Variants in CRTAM observed in about 807,000 individuals in gnomAD.
The protein encoded by CRTAM is cytotoxic and regulatory T cell molecule, also known as cytotoxic and regulatory T-cell molecule.
In CRTAM, 44 loss-of-function variants were observed where a neutral mutation model predicts 50.0. The observed-to-expected ratio is 0.88, with a 90% CI of 0.69 to 1.13. CRTAM has a LOEUF of 1.13. Among genes scored for constraint, CRTAM ranks in the 50% most tolerant of loss-of-function variants. The pLI is 0.00. For synonymous variants in CRTAM, 159 were observed against 169.3 expected, an observed-to-expected ratio of 0.94 and a Z score of 0.47; for missense variants, 448 against 457.5, an observed-to-expected ratio of 0.98 and a Z score of 0.19.
Position 122,868,186 on chromosome 11 carries a change from ATATGTGTGTG to A in CRTAM, c.1051+89_1051+98del, listed in dbSNP as rs1565294553. On this transcript the variant is annotated intron_variant, in intron 9 of 9. Transcript: ENST00000227348. ...TCTCCAGAGAGACAGAGACAACAGA[ATATGTGTGTG>A]TGTGTGTGTGTGTGTGTGTGTGTGT... 2.4e-5 allele frequency: 15 copies of A among 630,996 alleles called. 1 individual carries two copies. Among genetic ancestry groups the A allele is most frequent in the South Asian group, 1.2e-4 (7 of 59,476 alleles). The allele number at this position is 630,996 out of a possible 1,614,324, so 39.1% of individuals were successfully genotyped here.
At chr11:122,838,727 G>T in intron 1 of CRTAM, 135 bp downstream of exon 1, 1 of 728,286 alleles carries the variant, frequency 1.4e-6, no homozygotes, top group African/African-American at 1.7e-5. Context: ...TACTTTCCAA[G>T]CCATGCTCAA....
intron 9 of CRTAM, among the ~76,000 whole-genome samples, chr11:122,868,744 C>A (rs1306772573): frequency 6.6e-6 from 1 of 152,216 alleles, no homozygotes; most frequent in African/African-American, 2.4e-5. Flanking sequence ...TACGGTGGCT[C>A]ACGCCTGTAA....
At chr11:122,852,981 A>G (rs1055061829) in intron 3 of CRTAM, among the ~76,000 whole-genome samples, 1 of 152,186 alleles carries the variant, frequency 6.6e-6, no homozygotes, top group Non-Finnish European at 1.5e-5. Context: ...AGAATGGGAA[A>G]CAGGAAGAAG....
rs553358820 is a variant in CRTAM, at chr11:122,851,034, G to A, written c.194-659G>A. ...CCCAGCACTTTGGGAGACTGAGGCT[G>A]GCCGATCATTTTGAAGTCAGGAGTT... On this transcript the variant is annotated intron_variant, in intron 2 of 9. Transcript: ENST00000227348. Among the ~76,000 whole-genome samples, 6 of 152,106 alleles carry A rather than the reference G, an allele frequency of 3.9e-5. No individual in the cohort carries two copies. In the South Asian group the frequency reaches 8.3e-4, roughly 21 times the overall value.
intron 1 of CRTAM, among the ~76,000 whole-genome samples, chr11:122,841,404 A>ATT (rs35383058): frequency 0.24 from 34,020 of 143,270 alleles, 4,565 homozygotes; most frequent in Non-Finnish European, 0.3. Context: ...CTTTTACTCT[A>ATT]TTTTTTTTTT....
At position 122,853,070 on chromosome 11, in the gene CRTAM, C is replaced by CTTTT. The variant is rs34068369; in HGVS notation, c.347-863_347-860dup. On this transcript the variant is annotated intron_variant, in intron 3 of 9. Coordinates refer to ENST00000227348, the MANE Select transcript of CRTAM (RefSeq NM_019604.4). The stretch of plus-strand genomic sequence containing the variant: ...CATGCCCTTTATAAGATAAATGCAC[C>CTTTT]TTTTTTTTTTTTTGATGGGGTCTTG... 1.0e-4 allele frequency among the ~76,000 whole-genome samples: 15 copies of CTTTT among 144,262 alleles called. 1 individual carries two copies. The highest frequency in any genetic ancestry group is 3.3e-4 in the African/African-American group (13 of 39,316). 94.6% of individuals were successfully genotyped at this position (144,262 alleles called of 152,430 possible). A position where few individuals can be genotyped will look rare whatever the true frequency, so the allele number is the denominator to read the frequency against.
chr11:122,840,421 G>A (rs986646717), intron 1 of CRTAM, among the ~76,000 whole-genome samples: 3 of 135,300 alleles, frequency 2.2e-5, no homozygotes, highest in East Asian at 2.0e-4. Context: ...TCTAATTAAC[G>A]TGTGTGTGTG....
chr11:122,855,554 G>A lies in CRTAM; in HGVS notation c.491-141G>A, dbSNP rs180937401. 1.0e-3 allele frequency: 668 copies of A among 643,870 alleles called. 5 individuals carry two copies. The African/African-American group carries it at 0.011, about 11-fold the overall frequency. 39.9% of individuals were successfully genotyped at this position (643,870 alleles called of 1,614,324 possible). A position where few individuals can be genotyped will look rare whatever the true frequency, so the allele number is the denominator to read the frequency against. On this transcript the variant is annotated intron_variant, in intron 4 of 9. Transcript: ENST00000227348. Reference sequence around the variant, plus strand: ...TGTTTGCCTTTGTGACCAGAACCAAGCCTATACAAGGGAACTGGCTGAGGT... The same window carrying A: ...TGTTTGCCTTTGTGACCAGAACCAAACCTATACAAGGGAACTGGCTGAGGT...
intron 1 of CRTAM, among the ~76,000 whole-genome samples, chr11:122,845,408 G>A (rs1861851018): frequency 6.6e-6 from 1 of 152,080 alleles, no homozygotes; most frequent in Admixed American, 6.6e-5. Flanking sequence ...AGAAAAATGT[G>A]TCAGTGAAAG....
intron 7 of CRTAM, among the ~76,000 whole-genome samples, chr11:122,865,410 CT>C (rs375100814): frequency 3.4e-4 from 21 of 61,294 alleles, no homozygotes; most frequent in South Asian, 6.5e-4. Context: ...AGATTTCTCT[CT>C]TTTTTTTTTC....
At chr11:122,839,429 A>C (rs921026775) in intron 1 of CRTAM, among the ~76,000 whole-genome samples, 10 of 152,248 alleles carry the variant, frequency 6.6e-5, no homozygotes, top group African/African-American at 1.9e-4. Flanking sequence ...ACACTTATTT[A>C]GCTCAGAGGT....
chr11:122,867,676 GTC>G (rs1198600851), intron 8 of CRTAM, 121 bp downstream of exon 8: 20 of 989,052 alleles, frequency 2.0e-5, no homozygotes, highest in Non-Finnish European at 2.8e-5. Flanking sequence ...GATAAGTGCT[GTC>G]TCAGATAAGC....
intron 3 of CRTAM, among the ~76,000 whole-genome samples, chr11:122,853,487 G>A (rs1264382526): frequency 6.6e-6 from 1 of 152,082 alleles, no homozygotes; most frequent in Non-Finnish European, 1.5e-5. Flanking sequence ...GCAAGCACAT[G>A]AAAGCCCTTT....
rs193236077 is a variant in CRTAM, at chr11:122,858,361, G to C, written c.652+2505G>C. 3.3e-3 allele frequency among the ~76,000 whole-genome samples: 495 copies of C among 152,146 alleles called. 3 individuals carry two copies. The highest frequency in any genetic ancestry group is 0.011 in the African/African-American group (463 of 41,498). ...CTGCCTCAGCCTCCGGGGTGGCTGG[G>C]AGCACAGGCATGAGCCACCACGCCC... On this transcript the variant is annotated intron_variant, in intron 5 of 9. Transcript: ENST00000227348.
At chr11:122,857,601 G>T (rs1862023436) in intron 5 of CRTAM, among the ~76,000 whole-genome samples, 2 of 152,306 alleles carry the variant, frequency 1.3e-5, no homozygotes, top group East Asian at 1.9e-4. Context: ...TTAGTTCATT[G>T]TTTCTTCCAT....
intron 1 of CRTAM, 54 bp from the exon 2 acceptor site, chr11:122,850,014 C>A: frequency 1.4e-6 from 2 of 1,465,076 alleles, no homozygotes; most frequent in Non-Finnish European, 9.1e-7. Flanking sequence ...AGACAAAATC[C>A]CTGAGACACT....
rs187640433 is a variant in CRTAM at position 122,842,035 on chromosome 11, C to T, written c.46+3443C>T. On this transcript the variant is annotated intron_variant, in intron 1 of 9. Coordinates refer to ENST00000227348, the MANE Select transcript of CRTAM (RefSeq NM_019604.4). ...CTTGAAGGAGATGAGAAAGACATTCCAGGACAAGAGAATATCATAGAAAAA... is the reference window on the plus strand; with the variant it reads ...CTTGAAGGAGATGAGAAAGACATTCTAGGACAAGAGAATATCATAGAAAAA... Among the ~76,000 whole-genome samples the T allele has an allele frequency of 1.9e-4, 29 of 152,208 alleles. No individual in the cohort carries two copies. In the East Asian group the frequency reaches 5.0e-3, roughly 26 times the overall value.
chr11:122,857,910 ATGTTT>A (rs746302547), intron 5 of CRTAM, among the ~76,000 whole-genome samples: 1 of 151,996 alleles, frequency 6.6e-6, no homozygotes, highest in Non-Finnish European at 1.5e-5. Context: ...CTTTGTTTTT[ATGTTT>A]TGTTTTGTTT....
At chr11:122,864,218 C>G (rs1862138640) in intron 6 of CRTAM, among the ~76,000 whole-genome samples, 1 of 152,078 alleles carries the variant, frequency 6.6e-6, no homozygotes. Context: ...CCTAATAGGC[C>G]TGATTCAGGA....
Sources: allele counts gnomAD v4.1 joint callset (sites outside exome capture counted in the v4.1 genomes callset), GRCh38; gene constraint gnomAD v4.1.1; transcripts MANE v1.5; gene names NCBI Gene and HGNC (gene_info 2026-07-23, HGNC 2026-07-21).